Variants in PRKCI observed in about 807,000 individuals in gnomAD.
The protein encoded by PRKCI is protein kinase C iota type.
PRKCI carries 43 observed loss-of-function variants against 84.0 expected under a neutral mutation model. The ratio of observed to expected loss-of-function variants is 0.51; its 90% CI spans 0.40 to 0.66. The LOEUF is 0.66. Ranked by LOEUF, PRKCI falls within the 30% of genes least tolerant of loss-of-function variation. PRKCI has a pLI of 0.00. For synonymous variants in PRKCI, 216 were observed against 234.4 expected (o/e 0.92, Z 0.72); for missense variants, 459 against 745.6 (o/e 0.62, Z 4.48).
At chr3:170,286,484 G>GTT (rs1577370905) in intron 12 of PRKCI, among the ~76,000 whole-genome samples, 1 of 106,958 alleles carries the variant, frequency 9.3e-6, no homozygotes, top group East Asian at 2.7e-4. Context: ...AAACAATGAG[G>GTT]CTTTTTTTTT....
At chr3:170,237,686 T>G (rs1195001081) in intron 2 of PRKCI, among the ~76,000 whole-genome samples, 1 of 152,218 alleles carries the variant, frequency 6.6e-6, no homozygotes, top group African/African-American at 2.4e-5. Context: ...TAAAGAACTC[T>G]GGAAAGTCAT....
intron 2 of PRKCI, among the ~76,000 whole-genome samples, chr3:170,251,367 ATGT>A (rs1733438991): frequency 6.6e-6 from 1 of 152,214 alleles, no homozygotes; most frequent in Non-Finnish European, 1.5e-5. Context: ...ACTTTTCCTA[ATGT>A]TGTATACAGG....
intron 2 of PRKCI, among the ~76,000 whole-genome samples, chr3:170,259,307 G>A (rs998218108): frequency 6.6e-6 from 1 of 150,838 alleles, no homozygotes; most frequent in Non-Finnish European, 1.5e-5. Flanking sequence ...GGAGGTCGAG[G>A]CTGTAGTGAG....
At chr3:170,242,914 G>A (rs1447053629) in intron 2 of PRKCI, among the ~76,000 whole-genome samples, 2 of 151,796 alleles carry the variant, frequency 1.3e-5, no homozygotes, top group Admixed American at 6.6e-5. Flanking sequence ...CAGGTGATCC[G>A]CCTGCCTCAG....
chr3:170,233,581 G>A (rs1466220921), intron 1 of PRKCI, among the ~76,000 whole-genome samples: 4 of 152,188 alleles, frequency 2.6e-5, no homozygotes, highest in Non-Finnish European at 2.9e-5. Context: ...ATTGTGGAAT[G>A]TTATGAACAT....
At position 170,236,924 on chromosome 3, in the gene PRKCI, C is replaced by T. The variant is rs142068698; in HGVS notation, c.223+1573C>T. On this transcript the variant is annotated intron_variant, in intron 2 of 17. Coordinates refer to ENST00000295797, the MANE Select transcript of PRKCI (RefSeq NM_002740.6). ...GAAGCAAATATCTGTGTGCTGAGGACAGACATTTCCTATCCTCAAACCCAT... is the reference window on the plus strand; with the variant it reads ...GAAGCAAATATCTGTGTGCTGAGGATAGACATTTCCTATCCTCAAACCCAT... Among the ~76,000 whole-genome samples, 419 of 150,818 alleles carry T rather than the reference C, an allele frequency of 2.8e-3. 1 individual carries two copies. Among genetic ancestry groups the T allele is most frequent in the Non-Finnish European group, 4.3e-3 (291 of 67,808 alleles).
At position 170,298,594 on chromosome 3, in the gene PRKCI, C is replaced by T. The variant is rs952663285; in HGVS notation, c.1588-401C>T. Among the ~76,000 whole-genome samples, 41 of 151,900 alleles carry T rather than the reference C, an allele frequency of 2.7e-4. 1 individual carries two copies. Among genetic ancestry groups the T allele is most frequent in the African/African-American group, 9.7e-4 (40 of 41,356 alleles). Reference sequence around the variant, plus strand: ...CTAATTTCGGTATTTTTAGTAGAGACGGGGTTTAGCTATGTTGGCCAGGCT... The same window carrying T: ...CTAATTTCGGTATTTTTAGTAGAGATGGGGTTTAGCTATGTTGGCCAGGCT... On this transcript the variant is annotated intron_variant, in intron 16 of 17. Transcript: ENST00000295797.
At chr3:170,284,912 G>C (rs1734335043) in intron 12 of PRKCI, among the ~76,000 whole-genome samples, 1 of 152,076 alleles carries the variant, frequency 6.6e-6, no homozygotes, top group African/African-American at 2.4e-5. Flanking sequence ...ACAACCATTT[G>C]CATATGACCT....
chr3:170,242,116 A>AT (rs997749926), intron 2 of PRKCI, among the ~76,000 whole-genome samples: 1 of 151,938 alleles, frequency 6.6e-6, no homozygotes, highest in African/African-American at 2.4e-5. Flanking sequence ...TCTCAAAAAA[A>AT]TTTTTTTTGT....
chr3:170,279,522 T>G (rs886885863), intron 8 of PRKCI, among the ~76,000 whole-genome samples: 5 of 152,194 alleles, frequency 3.3e-5, no homozygotes, highest in Admixed American at 3.3e-4. Context: ...TTTGCAGGCA[T>G]CTAATAAAAG....
At chr3:170,279,928 C>G (rs1324664720) in intron 8 of PRKCI, among the ~76,000 whole-genome samples, 1 of 152,156 alleles carries the variant, frequency 6.6e-6, no homozygotes, top group African/African-American at 2.4e-5. Flanking sequence ...ATTCCTGCAT[C>G]TCTATTGCCT....
rs1457319386 is a variant in PRKCI, at chr3:170,222,767, G to A, written c.98G>A (p.Arg33His). Residue 33 changes from arginine (R) to histidine (H), a missense_variant, in exon 1 of 18, where the codon CGC becomes CAC. Physicochemically the swap from Arg to His is conservative, Grantham distance 29 (BLOSUM62 0). This residue lies in a region of PRKCI where 250 missense variants were observed against 319.7 expected (regional missense o/e 0.78). Coordinates refer to ENST00000295797, the MANE Select transcript of PRKCI (RefSeq NM_002740.6). ...CAGGTCCGGGTGAAAGCCTACTACC[G>A]CGGGTGAGTGTCCTGGGACAGGGCG... ...SHQVRVKAYY[R>H]GDIMITHFEP... 6.2e-7 allele frequency: 1 copy of A among 1,608,908 alleles called. No homozygotes were observed. The highest frequency in any genetic ancestry group is 1.1e-5 in the South Asian group (1 of 90,246).
At chr3:170,247,554 A>C (rs1733317279) in intron 2 of PRKCI, among the ~76,000 whole-genome samples, 1 of 151,578 alleles carries the variant, frequency 6.6e-6, no homozygotes, top group African/African-American at 2.4e-5. Context: ...AACATGGAGA[A>C]ATGCCGTCTC....
chr3:170,278,974 G>A (rs1344960930), intron 8 of PRKCI, among the ~76,000 whole-genome samples: 1 of 152,154 alleles, frequency 6.6e-6, no homozygotes, highest in Admixed American at 6.5e-5. Flanking sequence ...CATGAGATTT[G>A]AGATTTGGAG....
intron 2 of PRKCI, among the ~76,000 whole-genome samples, chr3:170,240,815 G>A (rs1387744534): frequency 6.6e-6 from 1 of 152,202 alleles, no homozygotes; most frequent in Non-Finnish European, 1.5e-5. Context: ...TCTGTTTAAA[G>A]AGATTTAAGA....
chr3:170,257,229 A>G (rs531216961), intron 2 of PRKCI, among the ~76,000 whole-genome samples: 104 of 152,324 alleles, frequency 6.8e-4, no homozygotes, highest in South Asian at 2.1e-3. Flanking sequence ...GTGAACCTAG[A>G]GAATAGTGTT....
At chr3:170,245,767 G>A (rs6444906) in intron 2 of PRKCI, among the ~76,000 whole-genome samples, 3,165 of 152,138 alleles carry the variant, frequency 0.021, 52 homozygotes, top group East Asian at 0.085. Flanking sequence ...TTGAAAGACA[G>A]GATCTCACTG....
At position 170,280,477 on chromosome 3, in the gene PRKCI, C is replaced by T. The variant is rs189451522; in HGVS notation, c.882+74C>T. ...CTTTTTTTTTTTTGAAACGGAGTTT[C>T]GCTCTTGTCACCCAGCCTGGAGTGC... On this transcript the variant is annotated intron_variant, in intron 9 of 17. Coordinates refer to ENST00000295797, the MANE Select transcript of PRKCI (RefSeq NM_002740.6). The T allele has an allele frequency of 4.7e-5, 64 of 1,374,878 alleles. No homozygotes were observed. The African/African-American group carries it at 7.8e-4, about 17-fold the overall frequency. The allele number at this position is 1,374,878 out of a possible 1,614,324, so 85.2% of individuals were successfully genotyped here. A position where few individuals can be genotyped will look rare whatever the true frequency, so the allele number is the denominator to read the frequency against.
chr3:170,230,460 AGCTGGGATTACAG>A (rs1732755990), intron 1 of PRKCI, among the ~76,000 whole-genome samples: 1 of 152,174 alleles, frequency 6.6e-6, no homozygotes, highest in South Asian at 2.1e-4. Flanking sequence ...CCTCCCAAGT[AGCTGGGATTACAG>A]GCATGCGCCA....
Sources: allele counts gnomAD v4.1 joint callset (sites outside exome capture counted in the v4.1 genomes callset), GRCh38; gene constraint gnomAD v4.1.1; regional missense constraint gnomAD v4.1.1; transcripts MANE v1.5; gene names NCBI Gene and HGNC (gene_info 2026-07-23, HGNC 2026-07-21).